Variants in SPATA17 observed in about 807,000 individuals in gnomAD.
The protein encoded by SPATA17 is spermatogenesis associated 17.
A neutral mutation model predicts 62.2 loss-of-function variants in SPATA17; 53 were observed. The ratio of observed to expected loss-of-function variants is 0.85; its 90% CI spans 0.68 to 1.07. SPATA17 has a LOEUF of 1.07. Ranked by LOEUF, SPATA17 falls within the 50% of genes least tolerant of loss-of-function variation. The probability of loss-of-function intolerance (pLI) is 0.00; values close to 1 mark genes in which losing one functional copy is unlikely to be tolerated. For synonymous variants in SPATA17, 146 were observed against 146.8 expected (o/e 0.99, Z 0.04); for missense variants, 466 against 425.5 (o/e 1.10, Z -0.84).
intron 4 of SPATA17, among the ~76,000 whole-genome samples, chr1:217,671,823 C>A (rs987438869): frequency 1.3e-5 from 2 of 152,130 alleles, no homozygotes; most frequent in African/African-American, 4.8e-5. Context: ...ATAAATGTTA[C>A]TATGGGAAAT....
Position 217,854,779 on chromosome 1 carries a change from G to C in SPATA17, c.1006-7995G>C, listed in dbSNP as rs142981596. On this transcript the variant is annotated intron_variant, in intron 9 of 10. Transcript: ENST00000366933. Reference sequence around the variant, plus strand: ...CATGCGACTTCCATTTCCTTCACTTGGTTTCTAGAGTGACAGGGTTGAGTG... The same window carrying C: ...CATGCGACTTCCATTTCCTTCACTTCGTTTCTAGAGTGACAGGGTTGAGTG... Among the ~76,000 whole-genome samples the C allele has an allele frequency of 3.5e-4, 54 of 152,238 alleles. No homozygotes were observed. In the East Asian group the frequency reaches 9.1e-3, roughly 26 times the overall value.
intron 5 of SPATA17, among the ~76,000 whole-genome samples, chr1:217,716,530 G>A (rs1484507712): frequency 6.6e-6 from 1 of 152,178 alleles, no homozygotes; most frequent in Admixed American, 6.5e-5. Flanking sequence ...TTGAGTAGAT[G>A]CTTGCTGATA....
intron 5 of SPATA17, among the ~76,000 whole-genome samples, chr1:217,731,640 A>G (rs1483101430): frequency 6.6e-6 from 1 of 152,186 alleles, no homozygotes; most frequent in Non-Finnish European, 1.5e-5. Flanking sequence ...ATTATCCCAT[A>G]GTAAAAGATG....
At chr1:217,846,614 C>T (rs1675535730) in intron 9 of SPATA17, among the ~76,000 whole-genome samples, 1 of 151,968 alleles carries the variant, frequency 6.6e-6, no homozygotes, top group African/African-American at 2.4e-5. Flanking sequence ...CTTCAAGCTG[C>T]TAATGGATAG....
At chr1:217,662,181 T>G (rs930050000) in intron 3 of SPATA17, among the ~76,000 whole-genome samples, 1 of 152,214 alleles carries the variant, frequency 6.6e-6, no homozygotes, top group African/African-American at 2.4e-5. Flanking sequence ...CCAATTTACA[T>G]TATGTTTAAT....
intron 5 of SPATA17, among the ~76,000 whole-genome samples, chr1:217,688,928 A>G (rs1023537290): frequency 6.6e-6 from 1 of 152,204 alleles, no homozygotes; most frequent in Non-Finnish European, 1.5e-5. Context: ...AGTCCAAGGT[A>G]ATATTTGCTG....
chr1:217,837,019 G>A (rs1675276143), intron 9 of SPATA17, among the ~76,000 whole-genome samples: 2 of 152,036 alleles, frequency 1.3e-5, no homozygotes, highest in Admixed American at 6.6e-5. Flanking sequence ...GTAGAATTGT[G>A]GGAGTAAAGC....
At chr1:217,821,450 G>A (rs2136686) in intron 9 of SPATA17, among the ~76,000 whole-genome samples, 120,848 of 151,996 alleles carry the variant, frequency 0.8, 48,500 homozygotes, top group Admixed American at 0.83. Flanking sequence ...ATGTTAAATG[G>A]TGCTGTGAAG....
chr1:217,662,729 T>C (rs1670597792), intron 3 of SPATA17, among the ~76,000 whole-genome samples: 1 of 152,196 alleles, frequency 6.6e-6, no homozygotes, highest in South Asian at 2.1e-4. Context: ...TACCAGTCAC[T>C]AGTTTTAAAA....
At chr1:217,745,936 A>G (rs1288322424) in intron 6 of SPATA17, among the ~76,000 whole-genome samples, 3 of 152,088 alleles carry the variant, frequency 2.0e-5, no homozygotes, top group Admixed American at 6.5e-5. Context: ...GAAGATTCAG[A>G]GAACAAAAGA....
intron 9 of SPATA17, among the ~76,000 whole-genome samples, chr1:217,805,098 T>G (rs1368516491): frequency 1.3e-5 from 2 of 152,198 alleles, no homozygotes; most frequent in African/African-American, 2.4e-5. Flanking sequence ...TACTGCAGCA[T>G]TTTCAAAATC....
intron 4 of SPATA17, among the ~76,000 whole-genome samples, chr1:217,681,945 T>G (rs1671093851): frequency 6.6e-6 from 1 of 151,366 alleles, no homozygotes; most frequent in South Asian, 2.1e-4. Context: ...AAAAAAAAAG[T>G]TTAGGGAAGA....
chr1:217,639,430 A>C (rs192352116), intron 1 of SPATA17, among the ~76,000 whole-genome samples: 46 of 152,286 alleles, frequency 3.0e-4, no homozygotes, highest in Non-Finnish European at 6.2e-4. Flanking sequence ...AATGTACTCA[A>C]GAAAGTACTT....
chr1:217,673,815 A>C (rs1046141616), intron 4 of SPATA17, among the ~76,000 whole-genome samples: 6 of 152,162 alleles, frequency 3.9e-5, no homozygotes, highest in African/African-American at 1.4e-4. Flanking sequence ...AACCCATTTA[A>C]AAATATCCCC....
chr1:217,843,319 T>G (rs917796718), intron 9 of SPATA17, among the ~76,000 whole-genome samples: 4 of 152,058 alleles, frequency 2.6e-5, no homozygotes, highest in Non-Finnish European at 5.9e-5. Flanking sequence ...CCTGAAACAC[T>G]AAAATGAATC....
intron 6 of SPATA17, among the ~76,000 whole-genome samples, chr1:217,749,979 C>CTATA (rs1421804013): frequency 6.9e-3 from 213 of 30,812 alleles, no homozygotes; most frequent in East Asian, 8.3e-3. Context: ...CTCTCTCTCT[C>CTATA]TCTCTCTATA....
intron 9 of SPATA17, among the ~76,000 whole-genome samples, chr1:217,847,395 T>C (rs930988409): frequency 1.3e-5 from 2 of 152,166 alleles, no homozygotes; most frequent in African/African-American, 2.4e-5. Context: ...CATCCAAGTA[T>C]GAAATAGCTT....
intron 9 of SPATA17, among the ~76,000 whole-genome samples, chr1:217,808,694 A>C (rs938060473): frequency 6.6e-6 from 1 of 152,084 alleles, no homozygotes; most frequent in African/African-American, 2.4e-5. Flanking sequence ...TCTACTAAAA[A>C]TACAAAAATT....
intron 5 of SPATA17, among the ~76,000 whole-genome samples, chr1:217,704,732 C>A (rs1478007221): frequency 2.0e-5 from 3 of 152,066 alleles, no homozygotes; most frequent in Admixed American, 2.0e-4. Context: ...GACATGATCT[C>A]ATTTTTTTTT....
Sources: gnomAD v4.1 joint callset for allele counts (sites outside exome capture counted in the v4.1 genomes callset) on GRCh38, gnomAD v4.1.1 for gene constraint, MANE v1.5 for transcripts, NCBI Gene and HGNC (gene_info 2026-07-23, HGNC 2026-07-21) for gene names.